The following SMARCA4 variants were observed in gnomAD, a reference collection of about 807,000 sequenced individuals.
SMARCA4 encodes SWI/SNF-related matrix-associated actin-dependent regulator of chromatin subfamily A member 4.
A neutral mutation model predicts 193.9 loss-of-function variants in SMARCA4; 31 were observed. That is an observed-to-expected ratio of 0.16 (90% CI 0.12 to 0.22). The LOEUF (loss-of-function observed/expected upper bound fraction) is 0.22. Among genes scored for constraint, SMARCA4 ranks in the 10% least tolerant of loss-of-function variants. The probability of loss-of-function intolerance (pLI) is 1.00; values close to 1 mark genes in which losing one functional copy is unlikely to be tolerated. For missense variants in SMARCA4, 1,148 were observed against 2,296.0 expected, an observed-to-expected ratio of 0.50 and a Z score of 10.22; for synonymous variants, 942 against 933.1, an observed-to-expected ratio of 1.01 and a Z score of -0.17.
intron 32 of SMARCA4, chr19:11,059,158 C>T: frequency 2.3e-6 from 1 of 442,088 alleles, no homozygotes; most frequent in East Asian, 4.2e-5. Flanking sequence ...GATATTTTAG[C>T]AATTACAAAA....
At chr19:11,044,517 A>G (rs555915580) in intron 30 of SMARCA4, among the ~76,000 whole-genome samples, 11 of 152,282 alleles carry the variant, frequency 7.2e-5, no homozygotes, top group East Asian at 1.9e-4. Flanking sequence ...GGACTAATCA[A>G]TGTGGGGAAA....
chr19:11,017,397 C>T (rs2089463360), intron 16 of SMARCA4, among the ~76,000 whole-genome samples: 1 of 152,254 alleles, frequency 6.6e-6, no homozygotes, highest in Non-Finnish European at 1.5e-5. Flanking sequence ...GTGGGTGCTC[C>T]TGCAGTCTTT....
chr19:11,045,059 G>A (rs58019693), intron 30 of SMARCA4, among the ~76,000 whole-genome samples: 10,597 of 152,282 alleles, frequency 0.07, 608 homozygotes, highest in East Asian at 0.3. Flanking sequence ...GGTGGCTCAC[G>A]CCTGTAATCC....
At position 11,019,531 on chromosome 19, in the gene SMARCA4, C is replaced by G. The variant is rs1422564319; in HGVS notation, c.2506-60C>G. 1.8e-6 allele frequency: 2 copies of G among 1,117,780 alleles called. No homozygotes were observed. The highest frequency in any genetic ancestry group is 5.1e-5 in the East Asian group (2 of 39,596). The allele number at this position is 1,117,780 out of a possible 1,614,324, so 69.2% of individuals were successfully genotyped here. A position where few individuals can be genotyped will look rare whatever the true frequency, so the allele number is the denominator to read the frequency against. On this transcript the variant is annotated intron_variant, in intron 17 of 34. Transcript: ENST00000344626. This position sits in a 1 kb window ranked among gnomAD's most constrained non-coding sequence, Gnocchi z 6.1. ...GCAGTTGCAGGGGGTGCCTGTGCCCCTCTTGCCACCTGGCCACCCGGCTCC... is the reference window on the plus strand; with the variant it reads ...GCAGTTGCAGGGGGTGCCTGTGCCCGTCTTGCCACCTGGCCACCCGGCTCC...
chr19:10,989,590 T>A, intron 7 of SMARCA4, 147 bp downstream of exon 7: 2 of 875,830 alleles, frequency 2.3e-6, no homozygotes, highest in Non-Finnish European at 3.6e-6. Context: ...ACTCAATCAC[T>A]GCAGAGCCTT....
chr19:10,992,420 A>G (rs980045641), intron 8 of SMARCA4, among the ~76,000 whole-genome samples: 11 of 118,546 alleles, frequency 9.3e-5, no homozygotes, highest in South Asian at 8.0e-4. Context: ...CCTGGCCAAC[A>G]TTTTTTTTTT....
rs1169632948 is a variant in SMARCA4 at position 10,986,502 on chromosome 19, C to T, written c.669C>T (p.Pro223=). The change falls in exon 4 of 35, where the codon CCC becomes CCT. Residue 223 remains proline, a synonymous_variant. Transcript: ENST00000344626. The surrounding 1 kb of genome is among the most constrained non-coding windows in gnomAD (Gnocchi z 6.7). The part of the protein sequence containing the change: ...MQQQMPTLPP[P]SVSATGPGPG... The stretch of plus-strand genomic sequence containing the variant: ...AGCAGATGCCAACGCTACCTCCACC[C>T]TCGGTGTCCGCAACAGGACCCGGCC... 1 of 1,547,118 alleles carries T rather than the reference C, an allele frequency of 6.5e-7. No individual in the cohort carries two copies. Among genetic ancestry groups the T allele is most frequent in the African/African-American group, 1.4e-5 (1 of 73,212 alleles).
chr19:10,980,005 G>A (rs1190112709), intron 1 of SMARCA4, among the ~76,000 whole-genome samples: 1 of 152,192 alleles, frequency 6.6e-6, no homozygotes, highest in Non-Finnish European at 1.5e-5. Flanking sequence ...AGGACGTGGA[G>A]TCGCTCCACG....
At position 10,986,835 on chromosome 19, in the gene SMARCA4, GC is replaced by G; in HGVS notation, c.761-67del. On this transcript the variant is annotated intron_variant, in intron 4 of 34. Transcript: ENST00000344626. The surrounding 1 kb of genome is among the most constrained non-coding windows in gnomAD (Gnocchi z 6.7). ...TGCTGTGTCCCCTGGAGCCAGGGCT[GC>G]CCACGGGGCTGGGCGCAGGCATAAA... The G allele has an allele frequency of 7.2e-7, 1 of 1,392,364 alleles. No homozygotes were observed. The highest frequency in any genetic ancestry group is 1.2e-5 in the South Asian group (1 of 86,722). 86.3% of individuals were successfully genotyped at this position (1,392,364 alleles called of 1,614,324 possible). A position where few individuals can be genotyped will look rare whatever the true frequency, so the allele number is the denominator to read the frequency against.
intron 29 of SMARCA4, among the ~76,000 whole-genome samples, chr19:11,037,009 C>A (rs556576143): frequency 3.7e-4 from 57 of 152,326 alleles, no homozygotes; most frequent in African/African-American, 1.4e-3. Context: ...ACAGATTTGT[C>A]ACATTCGGTT....
In SMARCA4 at chr19:11,013,155, G is replaced by A. The variant is rs558100315; in HGVS notation, c.2438+43G>A. The A allele has an allele frequency of 4.8e-4, 771 of 1,603,250 alleles. 10 individuals carry two copies. In the South Asian group the frequency reaches 8.0e-3, roughly 17 times the overall value. ...GCAACATCCCACACGCCGCTCACAC[G>A]CTCCTGTGTTTGTTTCCTAAGTTTG... On this transcript the variant is annotated intron_variant, in intron 16 of 34. Transcript: ENST00000344626.
intron 1 of SMARCA4, among the ~76,000 whole-genome samples, chr19:10,982,386 A>G (rs1434753596): frequency 1.3e-5 from 2 of 152,120 alleles, no homozygotes; most frequent in Non-Finnish European, 1.5e-5. Flanking sequence ...AGGCAGGAGA[A>G]TTGCTTGAAC....
Position 11,019,824 on chromosome 19 carries a change from G to T in SMARCA4, c.2616+123G>T. The T allele has an allele frequency of 1.3e-6, 1 of 741,512 alleles. No homozygotes were observed. The highest frequency in any genetic ancestry group is 2.4e-6 in the Non-Finnish European group (1 of 418,858). 45.9% of individuals were successfully genotyped at this position (741,512 alleles called of 1,614,324 possible). ...GGAGTCCCACCTGCATGTGCGTGAA[G>T]ACAGCTGCCCTGTGTAGGGGAAAGG... is the stretch of plus-strand genomic sequence containing the variant. On this transcript the variant is annotated intron_variant, in intron 18 of 34. Coordinates refer to ENST00000344626, the MANE Select transcript of SMARCA4 (RefSeq NM_003072.5). The surrounding 1 kb of genome is among the most constrained non-coding windows in gnomAD (Gnocchi z 6.1).
In SMARCA4 at chr19:10,985,257, A is replaced by T. The variant is rs1284168138; in HGVS notation, c.223-16A>T. On this transcript the variant is annotated splice_polypyrimidine_tract_variant and intron_variant, in intron 2 of 34. Transcript: ENST00000344626. This position sits in a 1 kb window ranked among gnomAD's most constrained non-coding sequence, Gnocchi z 4.5. ...TTCCACATGCTGACCCTGCCTTGCCATGGTCCCTCTCGCAGCCCATGGAGT... is the reference window on the plus strand; with the variant it reads ...TTCCACATGCTGACCCTGCCTTGCCTTGGTCCCTCTCGCAGCCCATGGAGT... The T allele has an allele frequency of 6.2e-7, 1 of 1,613,282 alleles. No individual in the cohort carries two copies. The highest frequency in any genetic ancestry group is 1.3e-5 in the African/African-American group (1 of 74,772).
rs947077244 is a variant in SMARCA4 at position 11,006,479 on chromosome 19, G to A, written c.2002-1423G>A. Among the ~76,000 whole-genome samples, 5 of 152,104 alleles carry A rather than the reference G, an allele frequency of 3.3e-5. 1 individual carries two copies. Among genetic ancestry groups the A allele is most frequent in the South Asian group, 4.1e-4 (2 of 4,832 alleles). The stretch of plus-strand genomic sequence containing the variant: ...TTCTAAGATATTTAAAGCCAGGCGC[G>A]GTGTCTCACGCCTGTAATCCCAGCA... On this transcript the variant is annotated intron_variant, in intron 13 of 34. Coordinates refer to ENST00000344626, the MANE Select transcript of SMARCA4 (RefSeq NM_003072.5).
chr19:11,011,427 G>A, intron 15 of SMARCA4, among the ~76,000 whole-genome samples: 1 of 152,118 alleles, frequency 6.6e-6, no homozygotes, highest in Middle Eastern at 3.2e-3. Context: ...GTTTCACCAT[G>A]TCGGCCAAGC....
At chr19:10,977,669 T>C (rs1431647352) in intron 1 of SMARCA4, 2 of 152,294 alleles carry the variant, frequency 1.3e-5, no homozygotes, top group Non-Finnish European at 1.5e-5. Flanking sequence ...GAGCCTCTGC[T>C]TCACATTTTG....
intron 20 of SMARCA4, 45 bp from the exon 21 acceptor site, chr19:11,024,286 C>T (rs777387765): frequency 8.4e-6 from 12 of 1,425,586 alleles, no homozygotes; most frequent in Admixed American, 1.7e-5. Flanking sequence ...GGAGTCAGGC[C>T]TCAAGCCACC....
chr19:11,023,443 C>T, intron 19 of SMARCA4, 75 bp from the exon 20 acceptor site: 2 of 955,576 alleles, frequency 2.1e-6, no homozygotes, highest in Admixed American at 1.9e-5. Context: ...GTCCCCACAT[C>T]CGCACCTTCT....
Sources: allele counts gnomAD v4.1 joint callset (sites outside exome capture counted in the v4.1 genomes callset), GRCh38; gene constraint gnomAD v4.1.1; non-coding constraint Gnocchi (gnomAD v3.1); transcripts MANE v1.5; gene names NCBI Gene and HGNC (gene_info 2026-07-23, HGNC 2026-07-21).